Variants in NFATC3 observed in about 807,000 individuals in gnomAD.
NFATC3 encodes nuclear factor of activated T-cells, cytoplasmic 3.
In NFATC3, 46 loss-of-function variants were observed where a neutral mutation model predicts 98.6. The observed-to-expected ratio is 0.47, with a 90% CI of 0.37 to 0.60. NFATC3 has a LOEUF of 0.60. Ranked by LOEUF, NFATC3 falls within the 20% of genes least tolerant of loss-of-function variation. NFATC3 has a pLI of 0.00. For synonymous variants in NFATC3, 512 were observed against 472.2 expected, an observed-to-expected ratio of 1.08 and a Z score of -1.09; for missense variants, 1,256 against 1,295.5, an observed-to-expected ratio of 0.97 and a Z score of 0.47.
intron 8 of NFATC3, among the ~76,000 whole-genome samples, chr16:68,185,013 A>AC (rs751675639): frequency 4.0e-5 from 6 of 151,070 alleles, no homozygotes; most frequent in Non-Finnish European, 8.8e-5. Context: ...AGAGAGTCTT[A>AC]CCCTGTTGCT....
At position 68,155,716 on chromosome 16, in the gene NFATC3, A is replaced by G. The variant is rs1031275859; in HGVS notation, c.1402-2153A>G. On this transcript the variant is annotated intron_variant, in intron 3 of 9. Transcript: ENST00000346183. ...GACACAGTTTAAGAGCTGTGACCTT[A>G]CAAAAGAAATAGCATGCCCCTTTCT... 2.0e-5 allele frequency among the ~76,000 whole-genome samples: 3 copies of G among 152,214 alleles called. No individual in the cohort carries two copies. The South Asian group carries it at 6.2e-4, about 32-fold the overall frequency.
intron 7 of NFATC3, among the ~76,000 whole-genome samples, chr16:68,182,609 C>T (rs1024218684): frequency 1.5e-5 from 2 of 129,056 alleles, no homozygotes; most frequent in Non-Finnish European, 3.4e-5. Context: ...CAGCCTCTGC[C>T]TCCCGGGTTC....
intron 9 of NFATC3, among the ~76,000 whole-genome samples, chr16:68,224,209 C>G (rs1169014326): frequency 6.7e-6 from 1 of 149,884 alleles, no homozygotes. Flanking sequence ...TTGCAGAGTC[C>G]TTTGGCTTCA....
intron 9 of NFATC3, among the ~76,000 whole-genome samples, chr16:68,196,944 C>T (rs1161035328): frequency 6.6e-6 from 1 of 151,856 alleles, no homozygotes; most frequent in Non-Finnish European, 1.5e-5. Context: ...GCAGGAGAGT[C>T]GCTTGAACCT....
chr16:68,184,201 G>A (rs2040071291), intron 8 of NFATC3, among the ~76,000 whole-genome samples: 1 of 152,080 alleles, frequency 6.6e-6, no homozygotes, highest in Admixed American at 6.6e-5. Flanking sequence ...AACACCAAGA[G>A]TGTTTTGAAT....
chr16:68,148,779 G>A (rs534559460), intron 3 of NFATC3, among the ~76,000 whole-genome samples: 21 of 152,278 alleles, frequency 1.4e-4, no homozygotes, highest in African/African-American at 4.1e-4. Flanking sequence ...AGGTTGAGGC[G>A]GGTGGATCAT....
chr16:68,221,139 A>G (rs2041848354), intron 9 of NFATC3: 4 of 1,566,094 alleles, frequency 2.6e-6, no homozygotes, highest in Middle Eastern at 1.7e-4. Flanking sequence ...ATTTTTAACA[A>G]CTTAAAAATT....
Position 68,151,461 on chromosome 16 carries a change from C to A in NFATC3, c.1402-6408C>A, listed in dbSNP as rs570925594. On this transcript the variant is annotated intron_variant, in intron 3 of 9. Transcript: ENST00000346183. ...TGGTAAGTTGTACTCATGAAAAATTCATGTATCTTAAAATTGCATCTTTTG... is the reference window on the plus strand; with the variant it reads ...TGGTAAGTTGTACTCATGAAAAATTAATGTATCTTAAAATTGCATCTTTTG... Among the ~76,000 whole-genome samples the A allele has an allele frequency of 4.3e-4, 66 of 152,188 alleles. 1 individual carries two copies. Among genetic ancestry groups the A allele is most frequent in the South Asian group, 1.7e-3 (8 of 4,816 alleles).
At chr16:68,157,459 T>C (rs781035322) in intron 3 of NFATC3, among the ~76,000 whole-genome samples, 1 of 152,180 alleles carries the variant, frequency 6.6e-6, no homozygotes, top group African/African-American at 2.4e-5. Context: ...CTCTTTCTAC[T>C]AAAAGTGTCT....
At chr16:68,195,481 C>T (rs1485562058) in intron 9 of NFATC3, among the ~76,000 whole-genome samples, 1 of 151,790 alleles carries the variant, frequency 6.6e-6, no homozygotes, top group Admixed American at 6.6e-5. Context: ...TCCAGTCTTG[C>T]CAATATAGTG....
intron 9 of NFATC3, chr16:68,192,243 A>ATATATATATGTATGTG (rs1567543032): frequency 1.2e-4 from 13 of 112,680 alleles, no homozygotes; most frequent in African/African-American, 3.2e-4. Context: ...ATATATATAT[A>ATATATATATGTATGTG]TATATATATA....
At chr16:68,203,754 T>G (rs1567548478) in intron 9 of NFATC3, among the ~76,000 whole-genome samples, 1 of 152,048 alleles carries the variant, frequency 6.6e-6, no homozygotes, top group African/African-American at 2.4e-5. Flanking sequence ...AAATGTGTAT[T>G]TAAAAATAGT....
chr16:68,115,774 C>T (rs894869203), intron 1 of NFATC3, among the ~76,000 whole-genome samples: 28 of 151,710 alleles, frequency 1.8e-4, no homozygotes, highest in Non-Finnish European at 8.8e-5. Flanking sequence ...TTTTCTTTTC[C>T]TGTGAGTTGG....
intron 3 of NFATC3, among the ~76,000 whole-genome samples, chr16:68,151,993 C>A (rs547109649): frequency 6.7e-6 from 1 of 148,970 alleles, no homozygotes; most frequent in Non-Finnish European, 1.5e-5. Context: ...CACTTGAACC[C>A]GGGAGGCAGA....
Position 68,226,669 on chromosome 16 carries a change from T to G in NFATC3, c.*198T>G, listed in dbSNP as rs1181717929. On this transcript the variant is annotated 3_prime_UTR_variant, in exon 10 of 10. Coordinates refer to ENST00000346183, the MANE Select transcript of NFATC3 (RefSeq NM_173165.3). ...CAGGAGCAGCATAGGCTGTTTGAGC[T>G]TTGGGGAAATGAACTTTGCTTTTTA... 1 of 462,048 alleles carries G rather than the reference T, an allele frequency of 2.2e-6. No homozygotes were observed. The highest frequency in any genetic ancestry group is 2.0e-5 in the African/African-American group (1 of 49,642). 28.6% of individuals were successfully genotyped at this position (462,048 alleles called of 1,614,324 possible).
At chr16:68,154,208 T>C (rs1345568917) in intron 3 of NFATC3, among the ~76,000 whole-genome samples, 1 of 152,134 alleles carries the variant, frequency 6.6e-6, no homozygotes, top group Non-Finnish European at 1.5e-5. Flanking sequence ...GTGTGAGCCA[T>C]GATGGCCAGC....
intron 3 of NFATC3, among the ~76,000 whole-genome samples, chr16:68,142,953 G>A (rs750973623): frequency 6.6e-6 from 1 of 152,146 alleles, no homozygotes; most frequent in African/African-American, 2.4e-5. Context: ...TGTAGTAGCC[G>A]CATGAAGTGG....
At chr16:68,123,234 T>C in intron 2 of NFATC3, 113 bp downstream of exon 2, 1 of 1,136,890 alleles carries the variant, frequency 8.8e-7, no homozygotes, top group Non-Finnish European at 1.2e-6. Flanking sequence ...ATTTCTCCTC[T>C]TCCTATTTTT....
intron 4 of NFATC3, among the ~76,000 whole-genome samples, chr16:68,163,519 CG>C (rs1255698172): frequency 6.7e-6 from 1 of 150,374 alleles, no homozygotes; most frequent in Non-Finnish European, 1.5e-5. Context: ...CCCTCCCGGA[CG>C]GGGCGGCTGG....
Sources: gnomAD v4.1 joint callset for allele counts (sites outside exome capture counted in the v4.1 genomes callset) on GRCh38, gnomAD v4.1.1 for gene constraint, MANE v1.5 for transcripts, NCBI Gene and HGNC (gene_info 2026-07-23, HGNC 2026-07-21) for gene names.